The following ZNF26 variants were observed in gnomAD, a reference collection of about 807,000 sequenced individuals.
ZNF26 encodes the protein epididymis luminal protein 179.
A neutral mutation model predicts 54.9 loss-of-function variants in ZNF26; 32 were observed. The ratio of observed to expected loss-of-function variants is 0.58; its 90% CI spans 0.44 to 0.78. ZNF26 has a LOEUF of 0.78. Ranked by LOEUF, ZNF26 falls within the 30% of genes least tolerant of loss-of-function variation. The pLI, the probability that ZNF26 is intolerant of heterozygous loss-of-function variation, is 0.00. For missense variants in ZNF26, 524 were observed against 634.0 expected, an observed-to-expected ratio of 0.83 and a Z score of 1.86; for synonymous variants, 221 against 209.2, an observed-to-expected ratio of 1.06 and a Z score of -0.49.
intron 1 of ZNF26, among the ~76,000 whole-genome samples, chr12:132,992,693 T>C (rs1191860392): frequency 1.3e-5 from 2 of 152,226 alleles, no homozygotes; most frequent in Non-Finnish European, 2.9e-5. Flanking sequence ...TCATCATAAG[T>C]TGGGGAACGT....
intron 1 of ZNF26, chr12:132,995,087 G>A (rs1383058123): frequency 6.6e-6 from 1 of 152,184 alleles, no homozygotes; most frequent in Non-Finnish European, 1.5e-5. Context: ...CATACTCTTA[G>A]TTTTCCAAAG....
chr12:133,010,458 C>T lies in ZNF26; in HGVS notation c.579C>T (p.Leu193=), dbSNP rs1953445715. The T allele has an allele frequency of 1.2e-6, 2 of 1,613,528 alleles. No homozygotes were observed. Among genetic ancestry groups the T allele is most frequent in the Admixed American group, 3.3e-5 (2 of 59,970 alleles). The change falls in exon 4 of 4, where the codon CTC becomes CTT. Residue 193 remains leucine (L), a synonymous_variant. Coordinates refer to ENST00000328654, the MANE Select transcript of ZNF26 (RefSeq NM_019591.4). The part of the protein sequence containing the change: ...FRCKSQLIVH[L]RIHTGERPYE... Reference sequence around the variant, plus strand: ...GTAAGTCACAGCTCATTGTACATCTCAGAATTCATACAGGAGAGAGACCTT... The same window carrying T: ...GTAAGTCACAGCTCATTGTACATCTTAGAATTCATACAGGAGAGAGACCTT...
chr12:133,006,741 CCTG>C, intron 1 of ZNF26: 1 of 256,298 alleles, frequency 3.9e-6, no homozygotes. Flanking sequence ...ATTACAAGTG[CCTG>C]CCACTGCGCC....
Position 133,012,329 on chromosome 12 carries a change from G to A in ZNF26, c.*848G>A, listed in dbSNP as rs1451754387. On this transcript the variant is annotated 3_prime_UTR_variant, in exon 4 of 4. Coordinates refer to ENST00000328654, the MANE Select transcript of ZNF26 (RefSeq NM_019591.4). Reference sequence around the variant, plus strand: ...TATCCGTTCCACTAGCTACAGGTGAGCATTTTACCCATTGTTGGATAATGG... The same window carrying A: ...TATCCGTTCCACTAGCTACAGGTGAACATTTTACCCATTGTTGGATAATGG... The A allele has an allele frequency of 4.6e-5, 7 of 152,100 alleles. No individual in the cohort carries two copies. In the East Asian group the frequency reaches 9.6e-4, roughly 21 times the overall value. The allele number at this position is 152,100 out of a possible 1,614,324, so 9.4% of individuals were successfully genotyped here.
rs907059969 is a variant in ZNF26, at chr12:133,000,549, C to T, written c.34-6493C>T. Reference sequence around the variant, plus strand: ...ACGCCATTCTCCTGCCTCAGCCTCCCGAGTAGCTGGGACTACAGGCGCCCG... The same window carrying T: ...ACGCCATTCTCCTGCCTCAGCCTCCTGAGTAGCTGGGACTACAGGCGCCCG... On this transcript the variant is annotated intron_variant, in intron 1 of 3. Transcript: ENST00000328654. 1.4e-4 allele frequency among the ~76,000 whole-genome samples: 21 copies of T among 151,750 alleles called. 1 individual carries two copies. Among genetic ancestry groups the T allele is most frequent in the Non-Finnish European group, 1.9e-4 (13 of 67,984 alleles).
At chr12:133,008,229 G>A (rs914140927) in intron 3 of ZNF26, among the ~76,000 whole-genome samples, 1 of 152,198 alleles carries the variant, frequency 6.6e-6, no homozygotes, top group Non-Finnish European at 1.5e-5. Flanking sequence ...ATCAGAAATG[G>A]GGATTTCCTT....
chr12:133,008,802 C>T (rs1289316346), intron 3 of ZNF26, among the ~76,000 whole-genome samples: 3 of 138,684 alleles, frequency 2.2e-5, no homozygotes, highest in Non-Finnish European at 4.7e-5. Flanking sequence ...AAAAGAAAAA[C>T]ACCTGAGACT....
rs1953448166 is a variant in ZNF26, at chr12:133,010,567, T to G, written c.688T>G (p.Tyr230Asp). 1.2e-6 allele frequency: 2 copies of G among 1,614,216 alleles called. No homozygotes were observed. Among genetic ancestry groups the G allele is most frequent in the Non-Finnish European group, 1.7e-6 (2 of 1,180,032 alleles). Residue 230 changes from tyrosine to aspartate, a missense_variant, in exon 4 of 4, where the codon TAC becomes GAC. Transcript: ENST00000328654. The stretch of plus-strand genomic sequence containing the variant: ...GAGAGTTCATACAGGAGAAAAACCC[T>G]ACTCATGTAGTGAGTGCGAGAAGGT... Reference protein sequence around the residue: ...HQRVHTGEKPYSCSECEKVFS... With the variant: ...HQRVHTGEKPDSCSECEKVFS...
chr12:132,992,100 A>G (rs11830932), intron 1 of ZNF26, among the ~76,000 whole-genome samples: 1,775 of 151,984 alleles, frequency 0.012, 38 homozygotes, highest in African/African-American at 0.04. Context: ...GTGAGCCAAG[A>G]TCATGCCACT....
chr12:132,987,359 A>G (rs1002173386), intron 1 of ZNF26, among the ~76,000 whole-genome samples: 3 of 152,220 alleles, frequency 2.0e-5, no homozygotes, highest in Admixed American at 6.5e-5. Context: ...CTAGTGAACT[A>G]TGGACGCAAT....
Position 133,001,690 on chromosome 12 carries a change from C to G in ZNF26, c.34-5352C>G. 7.8e-7 allele frequency: 1 copy of G among 1,289,180 alleles called. No individual in the cohort carries two copies. Among genetic ancestry groups the G allele is most frequent in the African/African-American group, 1.5e-5 (1 of 65,996 alleles). 79.9% of individuals were successfully genotyped at this position (1,289,180 alleles called of 1,614,324 possible). A position where few individuals can be genotyped will look rare whatever the true frequency, so the allele number is the denominator to read the frequency against. On this transcript the variant is annotated intron_variant, in intron 1 of 3. Transcript: ENST00000328654. This position sits in a 1 kb window ranked among gnomAD's most constrained non-coding sequence, Gnocchi z 4.7. The stretch of plus-strand genomic sequence containing the variant: ...CTCAAGTGTCAAGTTCGGGAATCTT[C>G]TGGGTGTTCCTTGGGCCCAGGGAAA...
At chr12:133,004,449 C>A (rs1183609515) in intron 1 of ZNF26, 1 of 152,060 alleles carries the variant, frequency 6.6e-6, no homozygotes, top group Non-Finnish European at 1.5e-5. Flanking sequence ...CAGCTTCCCA[C>A]CAATTCTTTC....
chr12:133,004,157 G>C (rs917217913), intron 1 of ZNF26, among the ~76,000 whole-genome samples: 1 of 152,134 alleles, frequency 6.6e-6, no homozygotes. Flanking sequence ...TGTTTGGGAA[G>C]CTGTACTTGT....
chr12:132,990,478 C>T (rs1265522430), intron 1 of ZNF26, among the ~76,000 whole-genome samples: 1 of 151,924 alleles, frequency 6.6e-6, no homozygotes, highest in Non-Finnish European at 1.5e-5. Context: ...ATTTTTGTAT[C>T]TATATTTATG....
In ZNF26 at chr12:133,020,112, A is replaced by C. The variant is rs930665994; in HGVS notation, c.*8631A>C. 2 of 152,174 alleles carry C rather than the reference A, an allele frequency of 1.3e-5. No individual in the cohort carries two copies. The highest frequency in any genetic ancestry group is 6.5e-5 in the Admixed American group (1 of 15,272). 9.4% of individuals were successfully genotyped at this position (152,174 alleles called of 1,614,324 possible). On this transcript the variant is annotated 3_prime_UTR_variant, in exon 4 of 4. Transcript: ENST00000328654. ...CTCCATCTCAAAAAACAAAACAAAA[A>C]AAAAATCAGAGCCCATCAACAAATG...
At position 133,022,303 on chromosome 12, in the gene ZNF26, A is replaced by C. The variant is rs1409310735; in HGVS notation, c.*10822A>C. On this transcript the variant is annotated 3_prime_UTR_variant, in exon 4 of 4. Transcript: ENST00000328654. ...GTATATTCAAATCAATTTTATTTCTATATATCAGAAAAATAATATAAAATG... is the reference window on the plus strand; with the variant it reads ...GTATATTCAAATCAATTTTATTTCTCTATATCAGAAAAATAATATAAAATG... 6.6e-6 allele frequency: 1 copy of C among 152,246 alleles called. No individual in the cohort carries two copies. Among genetic ancestry groups the C allele is most frequent in the Non-Finnish European group, 1.5e-5 (1 of 68,052 alleles). 9.4% of individuals were successfully genotyped at this position (152,246 alleles called of 1,614,324 possible). A position where few individuals can be genotyped will look rare whatever the true frequency, so the allele number is the denominator to read the frequency against.
At chr12:133,009,895 AT>A (rs1953431684) in intron 3 of ZNF26, among the ~76,000 whole-genome samples, 1 of 151,990 alleles carries the variant, frequency 6.6e-6, no homozygotes, top group African/African-American at 2.4e-5. Flanking sequence ...TTAAACCTCT[AT>A]TTTAAAAAGT....
chr12:133,008,100 A>C (rs1250484756), intron 3 of ZNF26, among the ~76,000 whole-genome samples: 2 of 152,002 alleles, frequency 1.3e-5, no homozygotes, highest in Non-Finnish European at 2.9e-5. Context: ...CCGAAGGTTT[A>C]CGCTTTCCCC....
rs1031137442 is a variant in ZNF26 at position 133,017,629 on chromosome 12, A to G, written c.*6148A>G. 157 of 152,372 alleles carry G rather than the reference A, an allele frequency of 1.0e-3. No individual in the cohort carries two copies. Among genetic ancestry groups the G allele is most frequent in the African/African-American group, 3.5e-3 (146 of 41,584 alleles). 9.4% of individuals were successfully genotyped at this position (152,372 alleles called of 1,614,324 possible). On this transcript the variant is annotated 3_prime_UTR_variant, in exon 4 of 4. Coordinates refer to ENST00000328654, the MANE Select transcript of ZNF26 (RefSeq NM_019591.4). ...ACCCCAGGCAGTAATTTGTTTCCAC[A>G]GAAAAAACAAAGAGCACCAGTAAAG...
Sources: gnomAD v4.1 joint callset for allele counts (sites outside exome capture counted in the v4.1 genomes callset) on GRCh38, gnomAD v4.1.1 for gene constraint, Gnocchi (gnomAD v3.1) non-coding constraint, MANE v1.5 for transcripts, NCBI Gene and HGNC (gene_info 2026-07-23, HGNC 2026-07-21) for gene names.